BRIP1: variants seen among roughly 807,000 people sequenced by gnomAD.
BRIP1 encodes BRCA1 interacting DNA helicase 1, also known as Fanconi anemia group J protein.
A neutral mutation model predicts 119.7 loss-of-function variants in BRIP1; 88 were observed. The ratio of observed to expected loss-of-function variants is 0.74; its 90% CI spans 0.62 to 0.88. The LOEUF is 0.88. Among genes scored for constraint, BRIP1 ranks in the 40% least tolerant of loss-of-function variants. BRIP1 has a pLI of 0.00. For missense variants in BRIP1, 1,259 were observed against 1,455.4 expected (o/e 0.87, Z 2.20); for synonymous variants, 443 against 496.5 (o/e 0.89, Z 1.43).
intron 13 of BRIP1, among the ~76,000 whole-genome samples, chr17:61,779,404 C>A (rs1311840980): frequency 1.3e-5 from 2 of 152,126 alleles, no homozygotes; most frequent in African/African-American, 4.8e-5. Flanking sequence ...TAGCAAGCGA[C>A]CTTGTCTCTA....
Position 61,734,357 on chromosome 17 carries a change from C to A in BRIP1, c.2379+8656G>T, listed in dbSNP as rs1383150608. On this transcript the variant is annotated intron_variant, in intron 16 of 19. Coordinates refer to ENST00000259008, the MANE Select transcript of BRIP1 (RefSeq NM_032043.3). The surrounding 1 kb of genome is among the most constrained non-coding windows in gnomAD (Gnocchi z 5.2). ...ATAAAAGCCTTGGTTCATTCTCATGCCCCTCAAATGCTTTGGTTTAGTGCA... is the reference window on the plus strand; with the variant it reads ...ATAAAAGCCTTGGTTCATTCTCATGACCCTCAAATGCTTTGGTTTAGTGCA... Among the ~76,000 whole-genome samples the A allele has an allele frequency of 6.6e-6, 1 of 152,170 alleles. No homozygotes were observed. The highest frequency in any genetic ancestry group is 1.5e-5 in the Non-Finnish European group (1 of 68,024).
rs1461303114 is a variant in BRIP1, at chr17:61,776,845, G to A, written c.1936-283C>T. 6.6e-6 allele frequency among the ~76,000 whole-genome samples: 1 copy of A among 152,200 alleles called. No homozygotes were observed. Among genetic ancestry groups the A allele is most frequent in the Non-Finnish European group, 1.5e-5 (1 of 68,030 alleles). ...TAATAGCTTTGCAAAATTTAAGCATGTAACAAATTTTTGTTAGGTGAATAA... is the reference window on the plus strand; with the variant it reads ...TAATAGCTTTGCAAAATTTAAGCATATAACAAATTTTTGTTAGGTGAATAA... On this transcript the variant is annotated intron_variant, in intron 13 of 19. Transcript: ENST00000259008. This position sits in a 1 kb window ranked among gnomAD's most constrained non-coding sequence, Gnocchi z 5.0.
chr17:61,855,143 A>G (rs1415326640), intron 4 of BRIP1, among the ~76,000 whole-genome samples: 1 of 151,870 alleles, frequency 6.6e-6, no homozygotes, highest in Non-Finnish European at 1.5e-5. Context: ...GAGGGATAAC[A>G]AAAGTCCATG....
Position 61,753,524 on chromosome 17 carries a change from A to C in BRIP1, c.2098-8933T>G, listed in dbSNP as rs942374532. On this transcript the variant is annotated intron_variant, in intron 14 of 19. Transcript: ENST00000259008. The surrounding 1 kb of genome is among the most constrained non-coding windows in gnomAD (Gnocchi z 4.6). ...TGACAAAAGATAAAACTAAAAAAGA[A>C]TGTATAGAGATGAGATTGCCTAGTG... Among the ~76,000 whole-genome samples the C allele has an allele frequency of 1.3e-5, 2 of 152,186 alleles. No individual in the cohort carries two copies. The highest frequency in any genetic ancestry group is 2.9e-5 in the Non-Finnish European group (2 of 68,036).
chr17:61,817,287 A>G (rs1323251186), intron 6 of BRIP1, among the ~76,000 whole-genome samples: 2 of 152,224 alleles, frequency 1.3e-5, no homozygotes, highest in African/African-American at 4.8e-5. Flanking sequence ...ATTGTAATTT[A>G]TGATATGTAC....
intron 17 of BRIP1, among the ~76,000 whole-genome samples, chr17:61,702,268 G>T (rs1243876855): frequency 4.0e-5 from 6 of 151,290 alleles, no homozygotes; most frequent in Non-Finnish European, 5.9e-5. Flanking sequence ...TGTTGTTGTT[G>T]TTTTAACTTT....
rs1057154602 is a variant in BRIP1 at position 61,804,316 on chromosome 17, T to C, written c.919-2842A>G. Among the ~76,000 whole-genome samples, 3 of 152,122 alleles carry C rather than the reference T, an allele frequency of 2.0e-5. No individual in the cohort carries two copies. Among genetic ancestry groups the C allele is most frequent in the African/African-American group, 7.2e-5 (3 of 41,420 alleles). On this transcript the variant is annotated intron_variant, in intron 7 of 19. Coordinates refer to ENST00000259008, the MANE Select transcript of BRIP1 (RefSeq NM_032043.3). The surrounding 1 kb of genome is among the most constrained non-coding windows in gnomAD (Gnocchi z 4.5). Reference sequence around the variant, plus strand: ...AACGATTTTGAAATAAAAATATTTATTTTTCCTAGTTTGCTATCCTTAACA... The same window carrying C: ...AACGATTTTGAAATAAAAATATTTACTTTTCCTAGTTTGCTATCCTTAACA...
chr17:61,773,308 G>A (rs953650629), intron 14 of BRIP1, among the ~76,000 whole-genome samples: 1 of 152,002 alleles, frequency 6.6e-6, no homozygotes, highest in Non-Finnish European at 1.5e-5. Flanking sequence ...CAAGCAATGG[G>A]GAAAGAATTC....
At chr17:61,707,410 C>A (rs569200349) in intron 17 of BRIP1, among the ~76,000 whole-genome samples, 2 of 152,128 alleles carry the variant, frequency 1.3e-5, no homozygotes, top group East Asian at 3.9e-4. Context: ...CTGAGTGAGC[C>A]CCTTCAACCA....
In BRIP1 at chr17:61,715,950, C is replaced by A. The variant is rs1567755539; in HGVS notation, c.2492+1G>T. 6.4e-7 allele frequency: 1 copy of A among 1,567,072 alleles called. No individual in the cohort carries two copies. The highest frequency in any genetic ancestry group is 8.8e-7 in the Non-Finnish European group (1 of 1,139,182). On this transcript the variant is annotated splice_donor_variant, in intron 17 of 19. Coordinates refer to ENST00000259008, the MANE Select transcript of BRIP1 (RefSeq NM_032043.3). LOFTEE classifies it high-confidence loss of function. Reference sequence around the variant, plus strand: ...ATTATATTAAATTTCACTCCACTTACCTACCAAGGGCCTGGTTTAAGGCCC... The same window carrying A: ...ATTATATTAAATTTCACTCCACTTAACTACCAAGGGCCTGGTTTAAGGCCC...
intron 6 of BRIP1, among the ~76,000 whole-genome samples, chr17:61,820,932 G>T (rs550428378): frequency 6.8e-6 from 1 of 146,076 alleles, no homozygotes; most frequent in Non-Finnish European, 1.5e-5. Flanking sequence ...CCTGGGCAAC[G>T]AAGCGAGACT....
Position 61,680,198 on chromosome 17 carries a change from A to AT in BRIP1, c.*3097_*3098insA. Among the ~76,000 whole-genome samples the AT allele has an allele frequency of 6.6e-6, 1 of 151,500 alleles. No homozygotes were observed. Among genetic ancestry groups the AT allele is most frequent in the African/African-American group, 2.4e-5 (1 of 41,346 alleles). Reference sequence around the variant, plus strand: ...TCGATACTTAAAAAAAAAAAAAAAAAAAAATTAGCTGGGTGCAGTGGTGTA... The same window carrying AT: ...TCGATACTTAAAAAAAAAAAAAAAAATAAAATTAGCTGGGTGCAGTGGTGTA... On this transcript the variant is annotated 3_prime_UTR_variant, in exon 20 of 20. Transcript: ENST00000259008.
At chr17:61,858,947 A>G (rs897523518) in intron 3 of BRIP1, among the ~76,000 whole-genome samples, 4 of 151,796 alleles carry the variant, frequency 2.6e-5, no homozygotes, top group African/African-American at 4.8e-5. Context: ...TATAATCCCA[A>G]CTATTTAAGA....
At position 61,845,852 on chromosome 17, in the gene BRIP1, C is replaced by T. The variant is rs1384712017; in HGVS notation, c.627+1249G>A. On this transcript the variant is annotated intron_variant, in intron 6 of 19. Coordinates refer to ENST00000259008, the MANE Select transcript of BRIP1 (RefSeq NM_032043.3). The surrounding 1 kb of genome is among the most constrained non-coding windows in gnomAD (Gnocchi z 4.2). Reference sequence around the variant, plus strand: ...TAAATAAAATTAGTAATTTTTACTGCTTCATCAAAGACATTCTTAAATGAA... The same window carrying T: ...TAAATAAAATTAGTAATTTTTACTGTTTCATCAAAGACATTCTTAAATGAA... 6.6e-6 allele frequency among the ~76,000 whole-genome samples: 1 copy of T among 152,114 alleles called. No individual in the cohort carries two copies. The highest frequency in any genetic ancestry group is 1.5e-5 in the Non-Finnish European group (1 of 68,022).
intron 6 of BRIP1, among the ~76,000 whole-genome samples, chr17:61,829,928 C>CTTTTTTTTTTT (rs59921365): frequency 6.8e-6 from 1 of 147,476 alleles, no homozygotes. Flanking sequence ...AAGTTTCAAT[C>CTTTTTTTTTTT]TTTTTTTTTT....
In BRIP1 at chr17:61,827,660, C is replaced by T. The variant is rs1449973540; in HGVS notation, c.628-18903G>A. Among the ~76,000 whole-genome samples, 5 of 152,102 alleles carry T rather than the reference C, an allele frequency of 3.3e-5. No homozygotes were observed. Among genetic ancestry groups the T allele is most frequent in the South Asian group, 2.1e-4 (1 of 4,816 alleles). ...GGGAGGACTGCTTGATCCTGGGAGG[C>T]GGACACTGCAGTCAGCTGAGATAGT... On this transcript the variant is annotated intron_variant, in intron 6 of 19. Coordinates refer to ENST00000259008, the MANE Select transcript of BRIP1 (RefSeq NM_032043.3). The surrounding 1 kb of genome is among the most constrained non-coding windows in gnomAD (Gnocchi z 5.8).
intron 6 of BRIP1, among the ~76,000 whole-genome samples, chr17:61,826,445 A>G (rs1004783120): frequency 2.0e-5 from 3 of 152,194 alleles, no homozygotes; most frequent in African/African-American, 7.2e-5. Flanking sequence ...AACTATCAAC[A>G]AAGTAAACAG....
chr17:61,855,368 A>T (rs2078881281), intron 4 of BRIP1, among the ~76,000 whole-genome samples: 1 of 152,202 alleles, frequency 6.6e-6, no homozygotes, highest in African/African-American at 2.4e-5. Flanking sequence ...ACTTGAGGTC[A>T]GGAGTTCGAG....
chr17:61,808,849 A>T lies in BRIP1; in HGVS notation c.628-92T>A, dbSNP rs2078120381. On this transcript the variant is annotated intron_variant, in intron 6 of 19. Coordinates refer to ENST00000259008, the MANE Select transcript of BRIP1 (RefSeq NM_032043.3). This position sits in a 1 kb window ranked among gnomAD's most constrained non-coding sequence, Gnocchi z 4.1. ...ATGGAATCAGAACCTGTAAGTAATG[A>T]ATCACAATGGTCAAATAAAGAGAAA... The T allele has an allele frequency of 8.8e-6, 11 of 1,251,982 alleles. No homozygotes were observed. Among genetic ancestry groups the T allele is most frequent in the Non-Finnish European group, 1.3e-5 (11 of 878,042 alleles). The allele number at this position is 1,251,982 out of a possible 1,614,324, so 77.6% of individuals were successfully genotyped here.
Sources: allele counts gnomAD v4.1 joint callset (sites outside exome capture counted in the v4.1 genomes callset), GRCh38; gene constraint gnomAD v4.1.1; non-coding constraint Gnocchi (gnomAD v3.1); transcripts MANE v1.5; gene names NCBI Gene and HGNC (gene_info 2026-07-23, HGNC 2026-07-21).